GLIS3: variants seen among roughly 807,000 people sequenced by gnomAD.
GLIS3 encodes GLIS family zinc finger 3.
Under a neutral mutation model 78.6 loss-of-function variants are expected in GLIS3, and 53 were observed. The ratio of observed to expected loss-of-function variants is 0.67; its 90% confidence interval spans 0.54 to 0.85. The LOEUF (loss-of-function observed/expected upper bound fraction) is 0.85. Ranked by LOEUF, GLIS3 falls within the 40% of genes least tolerant of loss-of-function variation. The probability of loss-of-function intolerance (pLI) is 0.00; values close to 1 mark genes in which losing one functional copy is unlikely to be tolerated. For missense variants in GLIS3, 1,703 were observed against 1,231.1 expected (o/e 1.38, Z -5.74); for synonymous variants, 684 against 509.9 (o/e 1.34, Z -4.60).
the GLIS3 span, among the ~76,000 whole-genome samples, chr9:4,370,791 G>A: frequency 1.3e-5 from 2 of 151,574 alleles, no homozygotes; most frequent in Admixed American, 6.6e-5. Flanking sequence ...CATTCTCAAC[G>A]TACATTGGAA....
At chr9:3,848,184 C>T (rs1819176799) in intron 9 of GLIS3, among the ~76,000 whole-genome samples, 1 of 152,184 alleles carries the variant, frequency 6.6e-6, no homozygotes, top group African/African-American at 2.4e-5. Flanking sequence ...GGAGTGTTTA[C>T]TGTCTTTAAA....
intron 4 of GLIS3, among the ~76,000 whole-genome samples, chr9:4,109,745 G>C (rs2130838799): frequency 6.6e-6 from 1 of 152,228 alleles, no homozygotes; most frequent in African/African-American, 2.4e-5. Flanking sequence ...ACTTCCTCCA[G>C]CCTCACTTCC....
In GLIS3 at chr9:3,951,398, A is replaced by G. The variant is rs1385517812; in HGVS notation, c.1711-14209T>C. 2.1e-5 allele frequency among the ~76,000 whole-genome samples: 3 copies of G among 142,256 alleles called. No individual in the cohort carries two copies. In the East Asian group the frequency reaches 6.0e-4, roughly 29 times the overall value. The allele number at this position is 142,256 out of a possible 152,430, so 93.3% of individuals were successfully genotyped here. On this transcript the variant is annotated intron_variant, in intron 4 of 10. Transcript: ENST00000381971. Reference sequence around the variant, plus strand: ...GAAAGCTTTTTGTAAATTAAGAAAGAAAAAAAAAAAAGCAAGGCATCCATG... The same window carrying G: ...GAAAGCTTTTTGTAAATTAAGAAAGGAAAAAAAAAAAGCAAGGCATCCATG...
At chr9:4,001,301 T>C (rs186512108) in intron 4 of GLIS3, among the ~76,000 whole-genome samples, 11 of 152,324 alleles carry the variant, frequency 7.2e-5, no homozygotes, top group Admixed American at 3.9e-4. Flanking sequence ...ATGGCTTTTA[T>C]CCATTATTTT....
chr9:4,249,917 A>C (rs1824191964), intron 2 of GLIS3, among the ~76,000 whole-genome samples: 1 of 152,200 alleles, frequency 6.6e-6, no homozygotes, highest in African/African-American at 2.4e-5. Context: ...GTGATGGATT[A>C]CATTTATTGA....
chr9:4,416,252 T>TTTTTAA, the GLIS3 span, among the ~76,000 whole-genome samples: 9 of 75,838 alleles, frequency 1.2e-4, no homozygotes, highest in African/African-American at 4.2e-4. Flanking sequence ...ACACTGTTTT[T>TTTTTAA]AAAAAAAAAA....
In GLIS3 at chr9:3,852,627, A is replaced by G. The variant is rs147050948; in HGVS notation, c.2473+3382T>C. Among the ~76,000 whole-genome samples, 540 of 152,348 alleles carry G rather than the reference A, an allele frequency of 3.5e-3. 2 individuals are homozygous for G. Among genetic ancestry groups the G allele is most frequent in the African/African-American group, 0.013 (525 of 41,578 alleles). On this transcript the variant is annotated intron_variant, in intron 9 of 10. Coordinates refer to ENST00000381971, the MANE Select transcript of GLIS3 (RefSeq NM_001042413.2). ...TTGTCCTTACCCTGAAGAGTAGTAG[A>G]TAAGAACCGCTAGAAATGTTGCCTA...
chr9:4,465,990 A>T, the GLIS3 span, among the ~76,000 whole-genome samples: 1 of 152,238 alleles, frequency 6.6e-6, no homozygotes, highest in African/African-American at 2.4e-5. Context: ...CAGAAAAACA[A>T]TACAGAAAAT....
intron 2 of GLIS3, among the ~76,000 whole-genome samples, chr9:4,267,634 G>A (rs1826133763): frequency 1.3e-5 from 2 of 152,174 alleles, no homozygotes; most frequent in South Asian, 4.1e-4. Flanking sequence ...AACTCATCCT[G>A]AAAATCAGGT....
intron 7 of GLIS3, among the ~76,000 whole-genome samples, chr9:3,891,321 CA>C (rs1822427958): frequency 6.6e-6 from 1 of 152,124 alleles, no homozygotes; most frequent in African/African-American, 2.4e-5. Context: ...GAAGAAGTGT[CA>C]TTTCCATTTA....
chr9:3,851,103 A>C (rs1358866815), intron 9 of GLIS3, among the ~76,000 whole-genome samples: 1 of 152,222 alleles, frequency 6.6e-6, no homozygotes, highest in Non-Finnish European at 1.5e-5. Flanking sequence ...GCCCAGAAGC[A>C]GGAAAGTTGT....
intron 2 of GLIS3, among the ~76,000 whole-genome samples, chr9:4,128,541 A>G (rs1419490598): frequency 6.6e-6 from 1 of 152,236 alleles, no homozygotes; most frequent in Non-Finnish European, 1.5e-5. Flanking sequence ...AATACTGACA[A>G]GTTATTCCAC....
intron 7 of GLIS3, among the ~76,000 whole-genome samples, chr9:3,881,458 G>A (rs931562493): frequency 5.9e-5 from 9 of 152,172 alleles, no homozygotes; most frequent in African/African-American, 1.9e-4. Flanking sequence ...AACTTGGTGT[G>A]CACACTCTGT....
chr9:3,899,501 A>AT (rs965897744), intron 6 of GLIS3, among the ~76,000 whole-genome samples: 1 of 152,098 alleles, frequency 6.6e-6, no homozygotes, highest in African/African-American at 2.4e-5. Context: ...ATGAATAAGA[A>AT]TTTTTTAAGT....
intron 2 of GLIS3, among the ~76,000 whole-genome samples, chr9:4,172,966 A>C (rs1305758723): frequency 6.6e-6 from 1 of 152,094 alleles, no homozygotes; most frequent in African/African-American, 2.4e-5. Flanking sequence ...CCAAATTCTG[A>C]ATTTTTTTGT....
chr9:4,087,371 C>T (rs1250793878), intron 4 of GLIS3, among the ~76,000 whole-genome samples: 2 of 152,106 alleles, frequency 1.3e-5, no homozygotes, highest in African/African-American at 4.8e-5. Flanking sequence ...AGAGCTACTA[C>T]TGAGTGAAGA....
At chr9:4,423,371 G>C in the GLIS3 span, among the ~76,000 whole-genome samples, 1 of 151,958 alleles carries the variant, frequency 6.6e-6, no homozygotes, top group African/African-American at 2.4e-5. Context: ...CCTCCTGGTG[G>C]GCACAAGAGT....
intron 4 of GLIS3, among the ~76,000 whole-genome samples, chr9:4,076,692 T>A (rs772836114): frequency 2.0e-5 from 3 of 152,196 alleles, no homozygotes; most frequent in Non-Finnish European, 4.4e-5. Flanking sequence ...AAAAAATGAA[T>A]GTTTCTGTGA....
chr9:3,992,936 G>C (rs1490162108), intron 4 of GLIS3, among the ~76,000 whole-genome samples: 3 of 152,182 alleles, frequency 2.0e-5, no homozygotes, highest in African/African-American at 7.2e-5. Context: ...AAAATCCTCA[G>C]CAAATCCTTA....
Sources: gnomAD v4.1 joint callset for allele counts (sites outside exome capture counted in the v4.1 genomes callset) on GRCh38, gnomAD v4.1.1 for gene constraint, MANE v1.5 for transcripts, NCBI Gene and HGNC (gene_info 2026-07-23, HGNC 2026-07-21) for gene names.